AEBP2: variants seen among roughly 807,000 people sequenced by gnomAD.
The protein encoded by AEBP2 is AE binding protein 2.
A neutral mutation model predicts 50.8 loss-of-function variants in AEBP2; 10 were observed. The ratio of observed to expected loss-of-function variants is 0.20; its 90% CI spans 0.12 to 0.33. AEBP2 has a LOEUF of 0.33. AEBP2 is among the 10% of genes least tolerant of loss of function. The pLI, the probability that AEBP2 is intolerant of heterozygous loss-of-function variation, is 1.00. For synonymous variants in AEBP2, 296 were observed against 261.3 expected (o/e 1.13, Z -1.28); for missense variants, 570 against 688.0 (o/e 0.83, Z 1.92).
In AEBP2 at chr12:19,439,545, G is replaced by T. The variant is rs1213969170; in HGVS notation, c.-155G>T. On this transcript the variant is annotated 5_prime_UTR_variant, in exon 1 of 8. Transcript: ENST00000266508. ...CGCCTGTCCCCGCGCGGGCTCCGTA[G>T]CGCGTGTGCAGGCTGACGCAGCTCG... The T allele has an allele frequency of 4.0e-6, 4 of 994,234 alleles. No individual in the cohort carries two copies. In the African/African-American group the frequency reaches 5.2e-5, roughly 13 times the overall value. The allele number at this position is 994,234 out of a possible 1,614,324, so 61.6% of individuals were successfully genotyped here. A position where few individuals can be genotyped will look rare whatever the true frequency, so the allele number is the denominator to read the frequency against.
intron 4 of AEBP2, among the ~76,000 whole-genome samples, chr12:19,494,918 T>C (rs1479107240): frequency 1.3e-5 from 2 of 152,050 alleles, no homozygotes. Flanking sequence ...TTATTATTAT[T>C]ATTTTTTTGA....
intron 1 of AEBP2, among the ~76,000 whole-genome samples, chr12:19,447,454 A>G (rs952012767): frequency 6.6e-6 from 1 of 152,228 alleles, no homozygotes; most frequent in Non-Finnish European, 1.5e-5. Flanking sequence ...GCACCTGGCT[A>G]TGTAAACGTT....
chr12:19,442,332 C>T (rs926289691), intron 1 of AEBP2, among the ~76,000 whole-genome samples: 1 of 152,008 alleles, frequency 6.6e-6, no homozygotes. Flanking sequence ...CGCTTGAACC[C>T]GGGAGGCAGA....
chr12:19,458,987 A>G (rs894731359), intron 1 of AEBP2, among the ~76,000 whole-genome samples: 2 of 152,096 alleles, frequency 1.3e-5, no homozygotes, highest in African/African-American at 4.8e-5. Flanking sequence ...TGTGTGTTTT[A>G]CTTAACTATA....
intron 2 of AEBP2, among the ~76,000 whole-genome samples, chr12:19,468,464 T>C (rs12809282): frequency 0.09 from 13,752 of 152,256 alleles, 707 homozygotes; most frequent in Middle Eastern, 0.15. Context: ...TGGTAATAAC[T>C]GAATTTCCTT....
In AEBP2 at chr12:19,439,685, G is replaced by GGAC; in HGVS notation, c.-13_-12insCGA. On this transcript the variant is annotated 5_prime_UTR_variant, in exon 1 of 8. Transcript: ENST00000266508. Reference sequence around the variant, plus strand: ...GCGGTGGGGAGGAGGAGGAGGAGGAGGAGCAGGCGCCGCCATGGCCGCCGC... The same window carrying GGAC: ...GCGGTGGGGAGGAGGAGGAGGAGGAGGACGAGCAGGCGCCGCCATGGCCGCCGC... 1 of 1,517,644 alleles carries GGAC rather than the reference G, an allele frequency of 6.6e-7. No individual in the cohort carries two copies. The highest frequency in any genetic ancestry group is 8.8e-7 in the Non-Finnish European group (1 of 1,139,272). 94.0% of individuals were successfully genotyped at this position (1,517,644 alleles called of 1,614,324 possible).
intron 3 of AEBP2, among the ~76,000 whole-genome samples, chr12:19,488,290 ATTT>A (rs34804680): frequency 4.2e-5 from 5 of 118,410 alleles, no homozygotes; most frequent in Admixed American, 1.7e-4. Context: ...TAATTTTTGT[ATTT>A]TTTTTTTTTT....
chr12:19,472,848 A>G (rs988940741), intron 2 of AEBP2, among the ~76,000 whole-genome samples: 2 of 152,038 alleles, frequency 1.3e-5, no homozygotes, highest in East Asian at 1.9e-4. Flanking sequence ...AAAAAGGTAT[A>G]TTTTTACAAA....
intron 1 of AEBP2, among the ~76,000 whole-genome samples, chr12:19,423,438 G>C (rs1391502639): frequency 6.6e-6 from 1 of 152,130 alleles, no homozygotes; most frequent in Non-Finnish European, 1.5e-5. Context: ...GACAGAGTGA[G>C]GATTTCCTCA....
At chr12:19,516,466 T>G (rs976883945) in intron 7 of AEBP2, among the ~76,000 whole-genome samples, 6 of 152,202 alleles carry the variant, frequency 3.9e-5, no homozygotes, top group African/African-American at 7.2e-5. Flanking sequence ...CTTCCTTCTT[T>G]CCAAGAGTCT....
chr12:19,436,324 C>A (rs185437146), upstream of AEBP2, among the ~76,000 whole-genome samples: 1 of 152,130 alleles, frequency 6.6e-6, no homozygotes, highest in Non-Finnish European at 1.5e-5. Flanking sequence ...TCCTGGAAAA[C>A]TCATGAATAA....
chr12:19,510,076 G>A (rs545886627), intron 5 of AEBP2, among the ~76,000 whole-genome samples: 127 of 152,036 alleles, frequency 8.4e-4, no homozygotes, highest in African/African-American at 2.9e-3. Context: ...CAAGTGTTCT[G>A]CCCACCTATC....
At chr12:19,480,297 G>A (rs1753549579) in intron 3 of AEBP2, among the ~76,000 whole-genome samples, 1 of 152,134 alleles carries the variant, frequency 6.6e-6, no homozygotes, top group African/African-American at 2.4e-5. Flanking sequence ...TAGAGACAGG[G>A]TTTCTCCATG....
At chr12:19,418,786 T>C (rs970041716) in intron 1 of AEBP2, 13 of 152,172 alleles carry the variant, frequency 8.5e-5, no homozygotes, top group African/African-American at 3.1e-4. Flanking sequence ...TTTCTAGTAT[T>C]TGGCTCATAA....
Position 19,518,181 on chromosome 12 carries a change from G to T in AEBP2, c.*64G>T. The T allele has an allele frequency of 1.3e-6, 2 of 1,486,792 alleles. No individual in the cohort carries two copies. The highest frequency in any genetic ancestry group is 2.5e-5 in the East Asian group (1 of 40,130). 92.1% of individuals were successfully genotyped at this position (1,486,792 alleles called of 1,614,324 possible). On this transcript the variant is annotated 3_prime_UTR_variant, in exon 8 of 8. Coordinates refer to ENST00000266508, the MANE Select transcript of AEBP2 (RefSeq NM_153207.5). ...ACCTGCAGTCTTAGTCACTGACAAT[G>T]GGTTTAGGGAAAGTTGCACATTAGA... is the stretch of plus-strand genomic sequence containing the variant.
chr12:19,513,567 T>C (rs370633780), intron 6 of AEBP2, among the ~76,000 whole-genome samples: 171 of 152,246 alleles, frequency 1.1e-3, no homozygotes, highest in Admixed American at 2.2e-3. Context: ...GAGATCAGCC[T>C]GGGCAGTATA....
At chr12:19,429,548 G>A (rs1411345628) in intron 1 of AEBP2, among the ~76,000 whole-genome samples, 2 of 152,280 alleles carry the variant, frequency 1.3e-5, no homozygotes, top group South Asian at 2.1e-4. Flanking sequence ...CTGAGGAATC[G>A]CCACACTGAC....
intron 1 of AEBP2, chr12:19,457,580 A>G: frequency 1.4e-6 from 2 of 1,479,640 alleles, no homozygotes; most frequent in Non-Finnish European, 9.0e-7. Context: ...GATGGCCAGT[A>G]GTGGTGGACT....
At chr12:19,426,463 G>A (rs142404346) in intron 1 of AEBP2, among the ~76,000 whole-genome samples, 52 of 152,270 alleles carry the variant, frequency 3.4e-4, no homozygotes, top group African/African-American at 1.1e-3. Flanking sequence ...AATATGCTTA[G>A]GTTAATTAAC....
Sources: allele counts gnomAD v4.1 joint callset (sites outside exome capture counted in the v4.1 genomes callset), GRCh38; gene constraint gnomAD v4.1.1; transcripts MANE v1.5; gene names NCBI Gene and HGNC (gene_info 2026-07-23, HGNC 2026-07-21).